Variants in MPP7 observed in about 807,000 individuals in gnomAD.
MPP7 encodes MAGUK p55 scaffold protein 7.
MPP7 carries 60 observed loss-of-function variants against 76.5 expected under a neutral mutation model. The ratio of observed to expected loss-of-function variants is 0.78; its 90% CI spans 0.64 to 0.97. MPP7 has a LOEUF of 0.97. Among genes scored for constraint, MPP7 ranks in the 50% least tolerant of loss-of-function variants. The pLI is 0.00. For missense variants in MPP7, 641 were observed against 694.0 expected (o/e 0.92, Z 0.86); for synonymous variants, 237 against 244.5 (o/e 0.97, Z 0.29).
rs202141955 is a variant in MPP7, at chr10:28,120,270, T to C, written c.811A>G (p.Thr271Ala). 1.9e-4 allele frequency: 301 copies of C among 1,613,948 alleles called. 3 individuals are homozygous for C. In the South Asian group the frequency reaches 2.8e-3, roughly 15 times the overall value. Residue 271 changes from threonine to alanine, a missense_variant, in exon 10 of 17, where the codon ACT becomes GCT. Transcript: ENST00000683449. ...GCTTCGTGTTTCGCTTGCCACCAAGTTGCATCATCTTGGCTCATAATCTGA... is the reference window on the plus strand; with the variant it reads ...GCTTCGTGTTTCGCTTGCCACCAAGCTGCATCATCTTGGCTCATAATCTGA... ...ILQIMSQDDATWWQAKHEADA... is the reference protein window; with the variant it reads ...ILQIMSQDDAAWWQAKHEADA...
chr10:28,203,387 C>A (rs941055475), intron 2 of MPP7, among the ~76,000 whole-genome samples: 1 of 151,122 alleles, frequency 6.6e-6, no homozygotes, highest in African/African-American at 2.4e-5. Flanking sequence ...AACTTACAAC[C>A]AAAGGCATTA....
At position 28,053,767 on chromosome 10, in the gene MPP7, G is replaced by C; in HGVS notation, c.*298C>G. The C allele has an allele frequency of 2.9e-6, 1 of 344,778 alleles. No individual in the cohort carries two copies. The highest frequency in any genetic ancestry group is 5.3e-6 in the Non-Finnish European group (1 of 190,300). 21.4% of individuals were successfully genotyped at this position (344,778 alleles called of 1,614,324 possible). On this transcript the variant is annotated 3_prime_UTR_variant, in exon 17 of 17. Coordinates refer to ENST00000683449, the MANE Select transcript of MPP7 (RefSeq NM_001318170.2). Reference sequence around the variant, plus strand: ...AACTCCCATACATACTAAGCCTCTAGCTAAGTCTCTCTGAAAATTTCAGCC... The same window carrying C: ...AACTCCCATACATACTAAGCCTCTACCTAAGTCTCTCTGAAAATTTCAGCC...
chr10:28,116,523 A>G (rs1834668221), intron 11 of MPP7, among the ~76,000 whole-genome samples: 1 of 152,148 alleles, frequency 6.6e-6, no homozygotes, highest in Non-Finnish European at 1.5e-5. Context: ...AAGAAAATCT[A>G]TCAGACTTTG....
chr10:28,098,633 T>C (rs757419984), intron 11 of MPP7, among the ~76,000 whole-genome samples: 3 of 151,920 alleles, frequency 2.0e-5, no homozygotes, highest in Non-Finnish European at 4.4e-5. Context: ...GAAATCCGTA[T>C]TGGCAGATGT....
At chr10:28,163,294 T>C (rs1166335600) in intron 3 of MPP7, among the ~76,000 whole-genome samples, 1 of 152,236 alleles carries the variant, frequency 6.6e-6, no homozygotes, top group East Asian at 1.9e-4. Flanking sequence ...TTGTACTTGC[T>C]GTTCCTTCTG....
chr10:28,286,898 C>T (rs1490657570), intron 1 of MPP7, among the ~76,000 whole-genome samples: 1 of 151,950 alleles, frequency 6.6e-6, no homozygotes, highest in Non-Finnish European at 1.5e-5. Flanking sequence ...GAGTATGTGC[C>T]CTTTTGACCT....
rs370996446 is a variant in MPP7, at chr10:28,323,158, G to A, written c.-132+6771C>T. ...ACAATTAGCCGGGCGTGGTGGAGGC[G>A]CCTGTAGTCCCAGCTACTCAGGAGG... On this transcript the variant is annotated intron_variant, in intron 2 of 11. Coordinates refer to the MPP7 transcript ENST00000441595. Among the ~76,000 whole-genome samples the A allele has an allele frequency of 2.2e-4, 34 of 152,174 alleles. 1 individual carries two copies. Among genetic ancestry groups the A allele is most frequent in the African/African-American group, 7.0e-4 (29 of 41,532 alleles).
chr10:28,064,540 C>T (rs962149232), intron 13 of MPP7, among the ~76,000 whole-genome samples: 3 of 152,110 alleles, frequency 2.0e-5, no homozygotes, highest in African/African-American at 7.2e-5. Flanking sequence ...CACATGTGTA[C>T]GCAGATGCTA....
chr10:28,325,039 C>T (rs1834399033), intron 2 of MPP7, among the ~76,000 whole-genome samples: 2 of 152,138 alleles, frequency 1.3e-5, no homozygotes, highest in South Asian at 2.1e-4. Flanking sequence ...ACTACAGACA[C>T]ATGCCACTTT....
chr10:28,147,441 C>A, intron 5 of MPP7, 42 bp downstream of exon 5: 1 of 1,494,190 alleles, frequency 6.7e-7, no homozygotes, highest in Admixed American at 1.7e-5. Flanking sequence ...CAGAAAGTGG[C>A]CCTGTTTGAA....
intron 1 of MPP7, among the ~76,000 whole-genome samples, chr10:28,301,347 G>A (rs778845859): frequency 2.0e-5 from 3 of 152,152 alleles, no homozygotes; most frequent in Non-Finnish European, 4.4e-5. Context: ...AATTTGGAAA[G>A]CTTCCCAAAA....
At chr10:28,297,571 C>T (rs908134582) in intron 1 of MPP7, among the ~76,000 whole-genome samples, 3 of 152,164 alleles carry the variant, frequency 2.0e-5, no homozygotes, top group African/African-American at 7.2e-5. Flanking sequence ...TGGCAGTGTG[C>T]ACCTGTAATC....
intron 13 of MPP7, among the ~76,000 whole-genome samples, chr10:28,065,659 A>G (rs1851962289): frequency 1.3e-5 from 2 of 152,178 alleles, no homozygotes; most frequent in Non-Finnish European, 2.9e-5. Context: ...AAAATATCCC[A>G]AAATAGCTGT....
intron 9 of MPP7, 57 bp downstream of exon 9, chr10:28,120,537 A>T: frequency 1.9e-6 from 3 of 1,542,634 alleles, no homozygotes; most frequent in Non-Finnish European, 2.7e-6. Context: ...TATGTGTTGG[A>T]TGGAAAAACA....
chr10:28,265,784 A>C (rs1840131297), intron 1 of MPP7, among the ~76,000 whole-genome samples: 1 of 152,200 alleles, frequency 6.6e-6, no homozygotes. Context: ...GAAATCCAAT[A>C]AGCAGAGTAA....
Position 28,238,687 on chromosome 10 carries a change from G to C in MPP7, c.-83C>G. 1 of 1,360,660 alleles carries C rather than the reference G, an allele frequency of 7.3e-7. No individual in the cohort carries two copies. Among genetic ancestry groups the C allele is most frequent in the Non-Finnish European group, 1.1e-6 (1 of 952,142 alleles). The allele number at this position is 1,360,660 out of a possible 1,614,324, so 84.3% of individuals were successfully genotyped here. A position where few individuals can be genotyped will look rare whatever the true frequency, so the allele number is the denominator to read the frequency against. On this transcript the variant is annotated 5_prime_UTR_variant, in exon 2 of 17. Transcript: ENST00000683449. Reference sequence around the variant, plus strand: ...AGCCACAGGGAATTCCAATTCAACAGCCTGCAGCCACGTTGTCTACCAAGA... The same window carrying C: ...AGCCACAGGGAATTCCAATTCAACACCCTGCAGCCACGTTGTCTACCAAGA...
chr10:28,118,292 AATACAT>A, intron 11 of MPP7: 1 of 982,198 alleles, frequency 1.0e-6, no homozygotes, highest in Non-Finnish European at 1.2e-6. Flanking sequence ...CTTTTAAAGA[AATACAT>A]ATACACTTAT....
chr10:28,282,896 A>G (rs990627983), intron 1 of MPP7, among the ~76,000 whole-genome samples: 4 of 151,986 alleles, frequency 2.6e-5, no homozygotes, highest in African/African-American at 7.3e-5. Flanking sequence ...AAAGTTCTAT[A>G]GCCTGTGTCT....
intron 2 of MPP7, among the ~76,000 whole-genome samples, chr10:28,234,372 A>G (rs1194556085): frequency 1.3e-5 from 2 of 152,174 alleles, no homozygotes; most frequent in Non-Finnish European, 2.9e-5. Flanking sequence ...AATAAATGGG[A>G]GAGAAAAGAC....
Sources: gnomAD v4.1 joint callset for allele counts (sites outside exome capture counted in the v4.1 genomes callset) on GRCh38, gnomAD v4.1.1 for gene constraint, MANE v1.5 for transcripts, NCBI Gene and HGNC (gene_info 2026-07-23, HGNC 2026-07-21) for gene names.